The following PRKCE variants were observed in gnomAD, a reference collection of about 807,000 sequenced individuals.
PRKCE encodes protein kinase C epsilon, also known as protein kinase C epsilon type.
In PRKCE, 16 loss-of-function variants were observed where a neutral mutation model predicts 85.4. The ratio of observed to expected loss-of-function variants is 0.19; its 90% CI spans 0.13 to 0.28. The LOEUF (loss-of-function observed/expected upper bound fraction) is 0.28. Ranked by LOEUF, PRKCE falls within the 10% of genes least tolerant of loss-of-function variation. The pLI is 1.00. For missense variants in PRKCE, 573 were observed against 975.2 expected (o/e 0.59, Z 5.49); for synonymous variants, 388 against 371.5 (o/e 1.04, Z -0.51).
At chr2:45,932,793 C>A (rs1374174507) in intron 2 of PRKCE, among the ~76,000 whole-genome samples, 1 of 152,156 alleles carries the variant, frequency 6.6e-6, no homozygotes, top group Non-Finnish European at 1.5e-5. Context: ...ACTCTCTACT[C>A]CCCCCAGCCC....
chr2:45,741,094 T>G (rs2176347), intron 1 of PRKCE, among the ~76,000 whole-genome samples: 80,177 of 152,096 alleles, frequency 0.53, 22,710 homozygotes, highest in African/African-American at 0.75. Flanking sequence ...GGAAATTTCC[T>G]TAGTGGAATT....
chr2:46,022,632 C>T (rs957779044), intron 10 of PRKCE, among the ~76,000 whole-genome samples: 3 of 152,242 alleles, frequency 2.0e-5, no homozygotes, highest in African/African-American at 4.8e-5. Context: ...TGTTATTTTA[C>T]ATCAGGGTTC....
intron 10 of PRKCE, among the ~76,000 whole-genome samples, chr2:46,037,122 A>G (rs1231718118): frequency 2.6e-5 from 4 of 152,122 alleles, no homozygotes; most frequent in Non-Finnish European, 5.9e-5. Context: ...AGTGATGACT[A>G]TCACTCTGCC....
intron 1 of PRKCE, among the ~76,000 whole-genome samples, chr2:45,770,041 C>A (rs1685191904): frequency 2.0e-5 from 3 of 152,228 alleles, no homozygotes; most frequent in African/African-American, 7.2e-5. Flanking sequence ...ACAGGATTTG[C>A]AGTTCTGCAA....
chr2:46,142,835 G>T (rs1445108858), intron 11 of PRKCE, among the ~76,000 whole-genome samples: 1 of 152,236 alleles, frequency 6.6e-6, no homozygotes, highest in African/African-American at 2.4e-5. Flanking sequence ...AAGGGGCAAG[G>T]TTCAAGCTGG....
rs202214960 is a variant in PRKCE at position 46,064,298 on chromosome 2, A to G, written c.1438-21910A>G. Among the ~76,000 whole-genome samples the G allele has an allele frequency of 1.6e-3, 240 of 150,156 alleles. 3 individuals are homozygous for G. The East Asian group carries it at 0.035, about 22-fold the overall frequency. ...TCTGTCTCAAAAAAAAAAAAAAAAAAAAAAGAAAAAGAAAATTGTTAACTG... is the reference window on the plus strand; with the variant it reads ...TCTGTCTCAAAAAAAAAAAAAAAAAGAAAAGAAAAAGAAAATTGTTAACTG... On this transcript the variant is annotated intron_variant, in intron 10 of 14. Transcript: ENST00000306156.
intron 2 of PRKCE, among the ~76,000 whole-genome samples, chr2:45,945,886 C>T (rs1472751325): frequency 6.6e-6 from 1 of 152,220 alleles, no homozygotes; most frequent in Non-Finnish European, 1.5e-5. Context: ...AAGGACTTCT[C>T]TATCTCCTTA....
At chr2:45,918,235 C>G (rs1026560138) in intron 2 of PRKCE, among the ~76,000 whole-genome samples, 1 of 152,154 alleles carries the variant, frequency 6.6e-6, no homozygotes, top group Non-Finnish European at 1.5e-5. Flanking sequence ...GCTGTCACCT[C>G]TCGCTACTGC....
intron 2 of PRKCE, among the ~76,000 whole-genome samples, chr2:45,862,183 TAC>T (rs6146747): frequency 0.16 from 22,946 of 143,498 alleles, 1,746 homozygotes; most frequent in Middle Eastern, 0.23. Flanking sequence ...TCTTCTTGTA[TAC>T]ACACACACAC....
At chr2:46,178,858 A>C (rs1339692664) in intron 14 of PRKCE, among the ~76,000 whole-genome samples, 34 of 152,160 alleles carry the variant, frequency 2.2e-4, no homozygotes, top group Admixed American at 2.2e-3. Context: ...GAAATAGCAG[A>C]AGGGGCTAAA....
intron 1 of PRKCE, among the ~76,000 whole-genome samples, chr2:45,743,467 C>T (rs572688215): frequency 1.2e-4 from 18 of 151,990 alleles, no homozygotes; most frequent in African/African-American, 1.7e-4. Context: ...ATTTCCCACC[C>T]CTCACCGAGA....
chr2:46,006,307 T>G (rs963500584), intron 8 of PRKCE, among the ~76,000 whole-genome samples: 1 of 152,238 alleles, frequency 6.6e-6, no homozygotes, highest in Non-Finnish European at 1.5e-5. Flanking sequence ...TTAGCTCTAT[T>G]GTGAGATTAA....
intron 1 of PRKCE, among the ~76,000 whole-genome samples, chr2:45,666,141 A>G (rs1675900040): frequency 1.3e-5 from 2 of 152,146 alleles, no homozygotes; most frequent in African/African-American, 4.8e-5. Context: ...GGCCATGACT[A>G]CCTAGCTGGT....
chr2:45,835,746 A>T (rs1033329377), intron 1 of PRKCE, among the ~76,000 whole-genome samples: 2 of 151,606 alleles, frequency 1.3e-5, no homozygotes, highest in African/African-American at 4.8e-5. Context: ...ATGCACCACC[A>T]TGCTCAGCTA....
chr2:45,794,005 C>T (rs1385317686), intron 1 of PRKCE, among the ~76,000 whole-genome samples: 3 of 152,074 alleles, frequency 2.0e-5, no homozygotes, highest in African/African-American at 7.2e-5. Context: ...TGCCTGAATC[C>T]CAGAGAGTAT....
At chr2:45,691,455 T>G (rs557802629) in intron 1 of PRKCE, among the ~76,000 whole-genome samples, 11 of 152,290 alleles carry the variant, frequency 7.2e-5, no homozygotes, top group African/African-American at 2.4e-4. Context: ...CTGGAATGCC[T>G]TCAATATATT....
chr2:46,093,332 A>G (rs1352459193), intron 11 of PRKCE, among the ~76,000 whole-genome samples: 2 of 152,072 alleles, frequency 1.3e-5, no homozygotes, highest in African/African-American at 2.4e-5. Flanking sequence ...TAAAGCTTAG[A>G]TGTTACTTCA....
intron 1 of PRKCE, among the ~76,000 whole-genome samples, chr2:45,741,031 T>C (rs1440457609): frequency 6.6e-6 from 1 of 152,256 alleles, no homozygotes; most frequent in Non-Finnish European, 1.5e-5. Flanking sequence ...TCTGAAATGA[T>C]CTTTTTGTGA....
intron 2 of PRKCE, among the ~76,000 whole-genome samples, chr2:45,906,230 C>T (rs534004517): frequency 5.9e-5 from 9 of 152,306 alleles, no homozygotes; most frequent in South Asian, 2.1e-4. Context: ...TTTGGATCAC[C>T]GCTGGTGTGC....
Sources: gnomAD v4.1 joint callset for allele counts (sites outside exome capture counted in the v4.1 genomes callset) on GRCh38, gnomAD v4.1.1 for gene constraint, MANE v1.5 for transcripts, NCBI Gene and HGNC (gene_info 2026-07-23, HGNC 2026-07-21) for gene names.